The following KIT variants were observed in gnomAD, a reference collection of about 807,000 sequenced individuals.
KIT encodes the protein mast/stem cell growth factor receptor Kit.
Under a neutral mutation model 105.7 loss-of-function variants are expected in KIT, and 16 were observed. The observed-to-expected ratio is 0.15, with a 90% confidence interval of 0.10 to 0.23. The LOEUF (loss-of-function observed/expected upper bound fraction) is 0.23. Ranked by LOEUF, KIT falls within the 10% of genes least tolerant of loss-of-function variation. The pLI, the probability that KIT is intolerant of heterozygous loss-of-function variation, is 1.00. For missense variants in KIT, 858 were observed against 1,213.8 expected, an observed-to-expected ratio of 0.71 and a Z score of 4.36; for synonymous variants, 438 against 441.1, an observed-to-expected ratio of 0.99 and a Z score of 0.09.
chr4:54,715,134 C>T (rs1721396772), intron 7 of KIT, among the ~76,000 whole-genome samples: 1 of 152,080 alleles, frequency 6.6e-6, no homozygotes. Flanking sequence ...CCAAAATCAG[C>T]CAAAGCAATA....
intron 1 of KIT, among the ~76,000 whole-genome samples, chr4:54,667,627 C>T (rs74756567): frequency 0.034 from 5,143 of 152,224 alleles, 230 homozygotes; most frequent in African/African-American, 0.1. Flanking sequence ...GCTCTGCTCC[C>T]GCCGACAGAA....
intron 6 of KIT, among the ~76,000 whole-genome samples, chr4:54,708,743 G>A (rs991380676): frequency 5.3e-5 from 8 of 152,088 alleles, no homozygotes; most frequent in South Asian, 2.1e-4. Flanking sequence ...TGGCAAGTTG[G>A]TGTTGTGGCC....
intron 1 of KIT, among the ~76,000 whole-genome samples, chr4:54,662,396 C>A (rs1409145067): frequency 6.6e-6 from 1 of 152,182 alleles, no homozygotes; most frequent in Middle Eastern, 3.2e-3. Flanking sequence ...GATTACTTAA[C>A]CTCTCTGTGC....
intron 1 of KIT, among the ~76,000 whole-genome samples, chr4:54,685,394 G>C (rs1719240686): frequency 6.6e-6 from 1 of 152,106 alleles, no homozygotes; most frequent in Admixed American, 6.5e-5. Context: ...CAAAACCAGG[G>C]ATATTTTTCT....
At chr4:54,668,162 C>T (rs1717835839) in intron 1 of KIT, among the ~76,000 whole-genome samples, 1 of 152,124 alleles carries the variant, frequency 6.6e-6, no homozygotes, top group Admixed American at 6.6e-5. Context: ...CCCCCCGAGT[C>T]CTGTTTTAGA....
intron 1 of KIT, among the ~76,000 whole-genome samples, chr4:54,694,086 C>T (rs1005616473): frequency 1.3e-5 from 2 of 152,172 alleles, no homozygotes; most frequent in African/African-American, 4.8e-5. Flanking sequence ...CCAGAATTTA[C>T]ACCCAGAAGT....
rs764213036 is a variant in KIT, at chr4:54,698,334, A to G, written c.388A>G (p.Asn130Asp). 29 of 1,614,098 alleles carry G rather than the reference A, an allele frequency of 1.8e-5. No individual in the cohort carries two copies. Among genetic ancestry groups the G allele is most frequent in the South Asian group, 5.5e-5 (5 of 91,064 alleles). The change falls in exon 3 of 21, where the codon AAC becomes GAC. Residue 130 changes from asparagine (N) to aspartate (D), a missense_variant. Physicochemically the swap from Asn to Asp is conservative, Grantham distance 23. Coordinates refer to ENST00000288135, the MANE Select transcript of KIT (RefSeq NM_000222.3). ...CCGCTCCTTGTATGGGAAAGAAGAC[A>G]ACGACACGCTGGTCCGCTGTCCTCT... ...VDRSLYGKED[N>D]DTLVRCPLTD...
chr4:54,735,175 A>C (rs1446427973), intron 17 of KIT, among the ~76,000 whole-genome samples: 1 of 152,118 alleles, frequency 6.6e-6, no homozygotes, highest in Non-Finnish European at 1.5e-5. Context: ...AGAAATGCTA[A>C]ATTTCATCTA....
chr4:54,662,150 G>A (rs1360618664), intron 1 of KIT, among the ~76,000 whole-genome samples: 2 of 152,088 alleles, frequency 1.3e-5, no homozygotes, highest in Non-Finnish European at 2.9e-5. Context: ...AGGCTCTAGG[G>A]CTTTATCCTG....
At chr4:54,669,466 C>CTG (rs547778956) in intron 1 of KIT, among the ~76,000 whole-genome samples, 137 of 152,364 alleles carry the variant, frequency 9.0e-4, no homozygotes, top group African/African-American at 3.1e-3. Context: ...AACACCAGCT[C>CTG]TGGCGGTACA....
At chr4:54,691,641 C>T (rs2109646069) in intron 1 of KIT, among the ~76,000 whole-genome samples, 1 of 152,132 alleles carries the variant, frequency 6.6e-6, no homozygotes, top group African/African-American at 2.4e-5. Flanking sequence ...CTACTGTTAG[C>T]TGCTGCTGCC....
chr4:54,678,420 T>A (rs1293756617), intron 1 of KIT, among the ~76,000 whole-genome samples: 1 of 142,700 alleles, frequency 7.0e-6, no homozygotes, highest in Non-Finnish European at 1.5e-5. Flanking sequence ...TCACGTTGCC[T>A]TACCCCCTTC....
At chr4:54,699,535 C>A in intron 3 of KIT, 95 bp from the exon 4 acceptor site, 1 of 1,384,934 alleles carries the variant, frequency 7.2e-7, no homozygotes, top group Non-Finnish European at 1.0e-6. Flanking sequence ...TAAAAGATGA[C>A]AAAGTAAGCT....
At chr4:54,682,412 AAGAG>A in intron 1 of KIT, among the ~76,000 whole-genome samples, 3 of 151,820 alleles carry the variant, frequency 2.0e-5, no homozygotes, top group Non-Finnish European at 4.4e-5. Flanking sequence ...TTATTAATGT[AAGAG>A]ATTTCTTTGT....
At chr4:54,708,199 C>T (rs1419130158) in intron 6 of KIT, among the ~76,000 whole-genome samples, 2 of 152,102 alleles carry the variant, frequency 1.3e-5, no homozygotes, top group African/African-American at 4.8e-5. Flanking sequence ...GGACAAGTTT[C>T]TGAGGAAAGA....
chr4:54,690,654 T>G (rs921771506), intron 1 of KIT, among the ~76,000 whole-genome samples: 5 of 152,350 alleles, frequency 3.3e-5, no homozygotes, highest in Admixed American at 3.3e-4. Context: ...ATGCAAAAAG[T>G]CCTGGTGTAA....
intron 1 of KIT, among the ~76,000 whole-genome samples, chr4:54,675,679 T>C (rs534408842): frequency 6.6e-6 from 1 of 152,344 alleles, no homozygotes; most frequent in East Asian, 1.9e-4. Context: ...TGGTGAATGG[T>C]ATCTGACTAC....
Position 54,738,641 on chromosome 4 carries a change from G to T in KIT, c.*84G>T. 6.5e-7 allele frequency: 1 copy of T among 1,539,108 alleles called. No homozygotes were observed. ...TGGTTATTTTCTTTTCTTTCAACTT[G>T]CATCCAACTCCAGGATAGTGGGCAC... On this transcript the variant is annotated 3_prime_UTR_variant, in exon 21 of 21. Coordinates refer to ENST00000288135, the MANE Select transcript of KIT (RefSeq NM_000222.3).
intron 1 of KIT, among the ~76,000 whole-genome samples, chr4:54,667,042 A>G (rs1474117682): frequency 1.3e-5 from 2 of 152,234 alleles, no homozygotes; most frequent in Non-Finnish European, 1.5e-5. Context: ...AGAGAAATCC[A>G]TAATCTATCA....
Sources: allele counts gnomAD v4.1 joint callset (sites outside exome capture counted in the v4.1 genomes callset), GRCh38; gene constraint gnomAD v4.1.1; transcripts MANE v1.5; gene names NCBI Gene and HGNC (gene_info 2026-07-23, HGNC 2026-07-21).